TAFA1: variants seen among roughly 807,000 people sequenced by gnomAD.
TAFA1 encodes TAFA chemokine like family member 1.
TAFA1 carries 4 observed loss-of-function variants against 18.5 expected under a neutral mutation model. The ratio of observed to expected loss-of-function variants is 0.22; its 90% confidence interval spans 0.11 to 0.49. The LOEUF (loss-of-function observed/expected upper bound fraction) is 0.49, where lower values mean the gene tolerates loss of function less well. Among genes scored for constraint, TAFA1 ranks in the 20% least tolerant of loss-of-function variants. The pLI is 0.98. For missense variants in TAFA1, 147 were observed against 169.0 expected, an observed-to-expected ratio of 0.87 and a Z score of 0.72; for synonymous variants, 56 against 55.2, an observed-to-expected ratio of 1.01 and a Z score of -0.06.
chr3:68,161,439 C>A (rs2065924272), intron 2 of TAFA1, among the ~76,000 whole-genome samples: 2 of 152,178 alleles, frequency 1.3e-5, no homozygotes, highest in Admixed American at 6.5e-5. Flanking sequence ...TTGGGCCCCA[C>A]CTCGGACCTG....
At chr3:68,500,687 T>TG (rs1238467154) in intron 3 of TAFA1, among the ~76,000 whole-genome samples, 1 of 142,548 alleles carries the variant, frequency 7.0e-6, no homozygotes, top group Non-Finnish European at 1.5e-5. Flanking sequence ...GCTGAAATAT[T>TG]TATTATCTGG....
At chr3:68,113,775 T>C (rs1323409411) in intron 2 of TAFA1, among the ~76,000 whole-genome samples, 1 of 152,166 alleles carries the variant, frequency 6.6e-6, no homozygotes, top group Non-Finnish European at 1.5e-5. Context: ...TTTCCTCCTT[T>C]ATCCATACTT....
rs2066450691 is a variant in TAFA1, at chr3:68,199,692, T to C, written c.118+192948T>C. On this transcript the variant is annotated intron_variant, in intron 2 of 4. Transcript: ENST00000478136. ...TAGGAAAGTGATTGACTTTTGCATA[T>C]TAAACTTGTATCATGTAACCTTTCT... Among the ~76,000 whole-genome samples, 3 of 151,562 alleles carry C rather than the reference T, an allele frequency of 2.0e-5. No individual in the cohort carries two copies. In the South Asian group the frequency reaches 6.2e-4, roughly 31 times the overall value.
chr3:68,525,197 C>T (rs143592791), intron 3 of TAFA1, among the ~76,000 whole-genome samples: 5 of 152,234 alleles, frequency 3.3e-5, no homozygotes, highest in East Asian at 1.9e-4. Flanking sequence ...ATCACTGACA[C>T]GAACAAAATG....
At chr3:68,244,191 T>C (rs3886495) in intron 2 of TAFA1, among the ~76,000 whole-genome samples, 14,102 of 152,250 alleles carry the variant, frequency 0.093, 959 homozygotes, top group Admixed American at 0.25. Flanking sequence ...TTTGCAAATA[T>C]CTTCTTCCAA....
intron 2 of TAFA1, among the ~76,000 whole-genome samples, chr3:68,405,773 C>T (rs944339073): frequency 1.1e-5 from 1 of 89,016 alleles, no homozygotes; most frequent in African/African-American, 3.9e-5. Context: ...ATGGAAAGAA[C>T]ACGTTAGGCC....
intron 2 of TAFA1, among the ~76,000 whole-genome samples, chr3:68,222,487 T>C (rs953595463): frequency 6.6e-6 from 1 of 152,174 alleles, no homozygotes; most frequent in African/African-American, 2.4e-5. Flanking sequence ...TTAGTTATGT[T>C]TCTACTTGGC....
At chr3:68,363,210 T>A (rs999284506) in intron 2 of TAFA1, among the ~76,000 whole-genome samples, 3 of 151,988 alleles carry the variant, frequency 2.0e-5, no homozygotes, top group African/African-American at 7.2e-5. Flanking sequence ...TCAACATTTG[T>A]TAATTTGGGA....
chr3:68,243,814 TC>T (rs933557202), intron 2 of TAFA1, among the ~76,000 whole-genome samples: 1 of 152,152 alleles, frequency 6.6e-6, no homozygotes, highest in Admixed American at 6.5e-5. Context: ...GTGTGCGATT[TC>T]TGGGTGGTAT....
chr3:68,327,407 A>G (rs2068794625), intron 2 of TAFA1, among the ~76,000 whole-genome samples: 1 of 152,218 alleles, frequency 6.6e-6, no homozygotes, highest in African/African-American at 2.4e-5. Flanking sequence ...ATTTTTACAA[A>G]AACTTGAAAG....
At chr3:68,428,621 C>A (rs941393045) in intron 3 of TAFA1, among the ~76,000 whole-genome samples, 1 of 151,860 alleles carries the variant, frequency 6.6e-6, no homozygotes, top group East Asian at 1.9e-4. Flanking sequence ...CTCACCCTCC[C>A]CATTTCACCT....
chr3:68,314,210 T>G (rs2068568227), intron 2 of TAFA1, among the ~76,000 whole-genome samples: 1 of 152,190 alleles, frequency 6.6e-6, no homozygotes, highest in Non-Finnish European at 1.5e-5. Flanking sequence ...CCTGGTCCAA[T>G]TAGGTAGCGA....
intron 2 of TAFA1, among the ~76,000 whole-genome samples, chr3:68,283,241 G>C (rs751501): frequency 0.74 from 112,616 of 152,114 alleles, 42,213 homozygotes; most frequent in East Asian, 0.91. Flanking sequence ...TGATAACTAT[G>C]TTAAAATGCA....
At chr3:68,489,838 C>T (rs1020651022) in intron 3 of TAFA1, among the ~76,000 whole-genome samples, 9 of 151,962 alleles carry the variant, frequency 5.9e-5, no homozygotes, top group African/African-American at 2.2e-4. Flanking sequence ...AATCTAAACT[C>T]TTGAGCACAT....
chr3:68,242,708 G>A (rs1196216568), intron 2 of TAFA1, among the ~76,000 whole-genome samples: 1 of 151,818 alleles, frequency 6.6e-6, no homozygotes, highest in Non-Finnish European at 1.5e-5. Flanking sequence ...TTAAGTGCAG[G>A]CATATATTGT....
At chr3:68,000,084 TG>T (rs1704268495), upstream of TAFA1, among the ~76,000 whole-genome samples, 1 of 152,184 alleles carries the variant, frequency 6.6e-6, no homozygotes, top group Admixed American at 6.5e-5. Flanking sequence ...CCACCGTGCC[TG>T]GTCAAAGCTA....
intron 2 of TAFA1, among the ~76,000 whole-genome samples, chr3:68,104,651 A>G (rs918986755): frequency 6.6e-6 from 1 of 152,138 alleles, no homozygotes; most frequent in Admixed American, 6.5e-5. Flanking sequence ...AGCCTTTTAT[A>G]AAGTTTTATT....
intron 2 of TAFA1, among the ~76,000 whole-genome samples, chr3:68,130,683 C>T (rs1164964244): frequency 6.6e-6 from 1 of 152,184 alleles, no homozygotes; most frequent in Non-Finnish European, 1.5e-5. Context: ...ACGTTCCCCT[C>T]CTGCTACATT....
At chr3:68,189,267 C>A (rs1296268190) in intron 2 of TAFA1, among the ~76,000 whole-genome samples, 1 of 151,884 alleles carries the variant, frequency 6.6e-6, no homozygotes. Context: ...TGTTTCCATT[C>A]AGTAGACTCA....
Sources: allele counts gnomAD v4.1 joint callset (sites outside exome capture counted in the v4.1 genomes callset), GRCh38; gene constraint gnomAD v4.1.1; transcripts MANE v1.5; gene names NCBI Gene and HGNC (gene_info 2026-07-23, HGNC 2026-07-21).